The following XKR4 variants were observed in gnomAD, a reference collection of about 807,000 sequenced individuals.
XKR4 encodes XK-related protein 4.
XKR4 carries 12 observed loss-of-function variants against 53.9 expected under a neutral mutation model. The ratio of observed to expected loss-of-function variants is 0.22; its 90% CI spans 0.14 to 0.36. XKR4 has a LOEUF of 0.36. XKR4 is among the 10% of genes least tolerant of loss of function. XKR4 has a pLI of 1.00. For synonymous variants in XKR4, 354 were observed against 362.4 expected, an observed-to-expected ratio of 0.98 and a Z score of 0.26; for missense variants, 799 against 859.5, an observed-to-expected ratio of 0.93 and a Z score of 0.88.
chr8:55,223,122 A>G (rs1285957081), intron 1 of XKR4, among the ~76,000 whole-genome samples: 1 of 152,234 alleles, frequency 6.6e-6, no homozygotes. Flanking sequence ...TGATGCTATC[A>G]GCACAGGTAA....
At chr8:55,361,666 C>G (rs1803911368) in intron 2 of XKR4, among the ~76,000 whole-genome samples, 1 of 152,016 alleles carries the variant, frequency 6.6e-6, no homozygotes, top group South Asian at 2.1e-4. Flanking sequence ...CAGTGTTCCC[C>G]TTGGCACTCA....
At chr8:55,306,055 A>G (rs1055699185) in intron 1 of XKR4, among the ~76,000 whole-genome samples, 5 of 152,206 alleles carry the variant, frequency 3.3e-5, no homozygotes, top group Admixed American at 6.5e-5. Flanking sequence ...GATTTAGATG[A>G]TGCTTGGAGA....
At chr8:55,495,466 AG>A (rs1195778144) in intron 2 of XKR4, among the ~76,000 whole-genome samples, 2 of 152,176 alleles carry the variant, frequency 1.3e-5, no homozygotes, top group Admixed American at 6.5e-5. Flanking sequence ...AGCCTGTGGC[AG>A]GTGTTCCAGG....
intron 1 of XKR4, among the ~76,000 whole-genome samples, chr8:55,302,027 T>C: frequency 6.6e-6 from 1 of 152,220 alleles, no homozygotes; most frequent in East Asian, 1.9e-4. Flanking sequence ...ATTATGGCTT[T>C]TGTTGCCATT....
At chr8:55,501,793 T>C (rs1422838643) in intron 2 of XKR4, among the ~76,000 whole-genome samples, 3 of 152,148 alleles carry the variant, frequency 2.0e-5, no homozygotes, top group Non-Finnish European at 4.4e-5. Flanking sequence ...TGAACATGGG[T>C]GAACAAATAT....
At chr8:55,244,612 T>C (rs1310461652) in intron 1 of XKR4, among the ~76,000 whole-genome samples, 1 of 152,210 alleles carries the variant, frequency 6.6e-6, no homozygotes, top group Non-Finnish European at 1.5e-5. Flanking sequence ...CAAATGGTAG[T>C]TCTGTTTTAA....
chr8:55,212,711 A>C (rs954282270), intron 1 of XKR4, among the ~76,000 whole-genome samples: 1 of 152,190 alleles, frequency 6.6e-6, no homozygotes, highest in Non-Finnish European at 1.5e-5. Flanking sequence ...GGCTACTACT[A>C]TGAGTGCTAT....
At chr8:55,302,588 G>A (rs1213150458) in intron 1 of XKR4, among the ~76,000 whole-genome samples, 2 of 152,166 alleles carry the variant, frequency 1.3e-5, no homozygotes, top group Non-Finnish European at 2.9e-5. Context: ...ACCTTGGGCA[G>A]TATGGCCATT....
At chr8:55,260,886 A>G (rs1271068611) in intron 1 of XKR4, among the ~76,000 whole-genome samples, 1 of 152,160 alleles carries the variant, frequency 6.6e-6, no homozygotes. Flanking sequence ...GCCTTTTCCT[A>G]TTGGCACAGC....
At chr8:55,454,552 G>T in intron 2 of XKR4, 1 of 1,432,936 alleles carries the variant, frequency 7.0e-7, no homozygotes, top group Non-Finnish European at 9.6e-7. Flanking sequence ...GCTGCTGATG[G>T]GCAGGGAGTC....
At chr8:55,163,325 G>C (rs1427774568) in intron 1 of XKR4, among the ~76,000 whole-genome samples, 1 of 152,190 alleles carries the variant, frequency 6.6e-6, no homozygotes, top group African/African-American at 2.4e-5. Context: ...ATTTAGGTAA[G>C]GGCTGCAGGA....
intron 1 of XKR4, among the ~76,000 whole-genome samples, chr8:55,356,156 TA>T (rs1215308974): frequency 6.6e-6 from 1 of 152,070 alleles, no homozygotes; most frequent in East Asian, 1.9e-4. Context: ...AACAAGTAAG[TA>T]AAGAAGGATG....
At chr8:55,117,039 G>A (rs528091074) in intron 1 of XKR4, among the ~76,000 whole-genome samples, 10 of 152,192 alleles carry the variant, frequency 6.6e-5, no homozygotes, top group Admixed American at 2.6e-4. Flanking sequence ...CTGATTTCAC[G>A]TTGAACCAAT....
chr8:55,127,483 A>C (rs1373998831), intron 1 of XKR4, among the ~76,000 whole-genome samples: 11 of 150,164 alleles, frequency 7.3e-5, no homozygotes, highest in Admixed American at 5.3e-4. Flanking sequence ...AAACTCCTGA[A>C]CTCAGGTAAT....
chr8:55,123,253 A>T (rs1816416725), intron 1 of XKR4, among the ~76,000 whole-genome samples: 1 of 152,234 alleles, frequency 6.6e-6, no homozygotes. Context: ...ATGAAATGGA[A>T]ATCAGCAAAT....
chr8:55,441,660 T>C (rs1437134957), intron 2 of XKR4, among the ~76,000 whole-genome samples: 4 of 152,140 alleles, frequency 2.6e-5, no homozygotes, highest in Admixed American at 2.6e-4. Context: ...ATACATTTCT[T>C]TGACTACAAC....
chr8:55,404,895 G>A (rs1456227868), intron 2 of XKR4, among the ~76,000 whole-genome samples: 1 of 152,158 alleles, frequency 6.6e-6, no homozygotes, highest in Non-Finnish European at 1.5e-5. Flanking sequence ...GTTTATTAAT[G>A]GTAACTCCTG....
intron 2 of XKR4, among the ~76,000 whole-genome samples, chr8:55,466,762 A>G (rs1231695029): frequency 6.6e-6 from 1 of 152,122 alleles, no homozygotes; most frequent in Non-Finnish European, 1.5e-5. Flanking sequence ...TCAATCCACT[A>G]TGATTGGAGT....
chr8:55,276,160 C>A (rs944385455), intron 1 of XKR4, among the ~76,000 whole-genome samples: 1 of 152,170 alleles, frequency 6.6e-6, no homozygotes, highest in Non-Finnish European at 1.5e-5. Context: ...CTTCACACAG[C>A]ATTTAAAATG....
Sources: gnomAD v4.1 joint callset for allele counts (sites outside exome capture counted in the v4.1 genomes callset) on GRCh38, gnomAD v4.1.1 for gene constraint, MANE v1.5 for transcripts, NCBI Gene and HGNC (gene_info 2026-07-23, HGNC 2026-07-21) for gene names.